The following TBCK variants were observed in gnomAD, a reference collection of about 807,000 sequenced individuals.
TBCK encodes TBC domain-containing protein kinase-like protein.
In TBCK, 99 loss-of-function variants were observed where a neutral mutation model predicts 113.4. The observed-to-expected ratio is 0.87, with a 90% CI of 0.74 to 1.03. The LOEUF is 1.03. Ranked by LOEUF, TBCK falls within the 50% of genes least tolerant of loss-of-function variation. TBCK has a pLI of 0.00. For missense variants in TBCK, 1,045 were observed against 1,061.3 expected, an observed-to-expected ratio of 0.98 and a Z score of 0.21; for synonymous variants, 369 against 370.8, an observed-to-expected ratio of 1.00 and a Z score of 0.05.
intron 3 of TBCK, among the ~76,000 whole-genome samples, chr4:106,270,635 TTTTGA>T (rs1416988081): frequency 6.6e-6 from 1 of 152,180 alleles, no homozygotes; most frequent in Non-Finnish European, 1.5e-5. Context: ...CTGTTCAGAA[TTTTGA>T]TTTGAGACCA....
intron 2 of TBCK, among the ~76,000 whole-genome samples, chr4:106,302,856 C>T (rs3113247): frequency 0.78 from 118,310 of 152,174 alleles, 46,859 homozygotes; most frequent in African/African-American, 0.95. Context: ...AAATGATCCC[C>T]GTAATTTTTC....
chr4:106,073,826 C>G (rs1311913716), intron 25 of TBCK, among the ~76,000 whole-genome samples: 1 of 152,216 alleles, frequency 6.6e-6, no homozygotes, highest in African/African-American at 2.4e-5. Flanking sequence ...CAATGGTGGA[C>G]ACTCTTCCCC....
chr4:106,180,275 GTTATT>G (rs1283412201), intron 22 of TBCK, among the ~76,000 whole-genome samples: 1 of 151,766 alleles, frequency 6.6e-6, no homozygotes, highest in African/African-American at 2.4e-5. Context: ...ATTTGCTACT[GTTATT>G]TTATTACTTG....
In TBCK at chr4:106,044,316, A is replaced by T. The variant is rs903539917; in HGVS notation, c.*2254T>A. 3 of 152,212 alleles carry T rather than the reference A, an allele frequency of 2.0e-5. No individual in the cohort carries two copies. Among genetic ancestry groups the T allele is most frequent in the African/African-American group, 7.2e-5 (3 of 41,456 alleles). 9.4% of individuals were successfully genotyped at this position (152,212 alleles called of 1,614,324 possible). Reference sequence around the variant, plus strand: ...CAAAGACTGAAGGAAGAAAATAGTAATTGCCAGGACAGGAGGATTTAATAT... The same window carrying T: ...CAAAGACTGAAGGAAGAAAATAGTATTTGCCAGGACAGGAGGATTTAATAT... On this transcript the variant is annotated 3_prime_UTR_variant, in exon 26 of 26. Coordinates refer to ENST00000394708, the MANE Select transcript of TBCK (RefSeq NM_001163435.3).
chr4:106,232,763 T>C (rs1369156481), intron 17 of TBCK, among the ~76,000 whole-genome samples, 175 bp downstream of exon 17: 2 of 152,022 alleles, frequency 1.3e-5, no homozygotes, highest in Non-Finnish European at 2.9e-5. Context: ...TCTACTAGGA[T>C]TTAGACAAAG....
intron 23 of TBCK, among the ~76,000 whole-genome samples, chr4:106,117,942 G>A (rs1215640552): frequency 6.6e-6 from 1 of 151,308 alleles, no homozygotes; most frequent in South Asian, 2.1e-4. Flanking sequence ...CCGGGAGGCG[G>A]AGCTTGCAGT....
At chr4:106,076,977 A>G (rs1018499514) in intron 25 of TBCK, among the ~76,000 whole-genome samples, 1 of 152,038 alleles carries the variant, frequency 6.6e-6, no homozygotes, top group Admixed American at 6.6e-5. Flanking sequence ...GGTGACATGC[A>G]CCTGTAGTCC....
At chr4:106,136,050 G>T (rs948402989) in intron 23 of TBCK, among the ~76,000 whole-genome samples, 2 of 141,592 alleles carry the variant, frequency 1.4e-5, no homozygotes, top group Admixed American at 1.4e-4. Context: ...AAGGGAGAAA[G>T]ACTTGCTAGA....
chr4:106,264,819 TCATA>T (rs1268281045), intron 3 of TBCK, among the ~76,000 whole-genome samples: 8 of 152,104 alleles, frequency 5.3e-5, no homozygotes, highest in Non-Finnish European at 1.2e-4. Flanking sequence ...AGAAATTGTT[TCATA>T]CAGAGAGCAT....
At chr4:106,194,830 C>T in intron 20 of TBCK, 76 bp from the exon 21 acceptor site, 2 of 1,228,252 alleles carry the variant, frequency 1.6e-6, no homozygotes, top group South Asian at 2.8e-5. Context: ...TACCAATAAA[C>T]TAAATGGTAA....
chr4:106,162,958 C>T (rs1308484525), intron 23 of TBCK, among the ~76,000 whole-genome samples: 2 of 152,074 alleles, frequency 1.3e-5, no homozygotes, highest in Non-Finnish European at 2.9e-5. Flanking sequence ...TGAATTTCTC[C>T]CCAGGAAATG....
chr4:106,306,473 T>C (rs1485601772), intron 2 of TBCK, among the ~76,000 whole-genome samples: 3 of 152,092 alleles, frequency 2.0e-5, no homozygotes, highest in African/African-American at 7.2e-5. Context: ...TTATAACAAC[T>C]ATTACTGTAT....
At position 106,315,275 on chromosome 4, in the gene TBCK, T is replaced by A. The variant is rs541682521; in HGVS notation, c.-30+656A>T. On this transcript the variant is annotated intron_variant, in intron 1 of 25. Coordinates refer to ENST00000394708, the MANE Select transcript of TBCK (RefSeq NM_001163435.3). Reference sequence around the variant, plus strand: ...GTTTTTCCAGCTGGTGGGCAAAGGATAATGAACAAGTCAGACTCTGTGCCC... The same window carrying A: ...GTTTTTCCAGCTGGTGGGCAAAGGAAAATGAACAAGTCAGACTCTGTGCCC... Among the ~76,000 whole-genome samples the A allele has an allele frequency of 3.3e-5, 5 of 152,118 alleles. No homozygotes were observed. In the East Asian group the frequency reaches 9.7e-4, roughly 30 times the overall value.
At chr4:106,280,544 G>A (rs1352900017) in intron 3 of TBCK, among the ~76,000 whole-genome samples, 1 of 152,032 alleles carries the variant, frequency 6.6e-6, no homozygotes. Context: ...ATGTCTCCTT[G>A]TAGTAGTTTC....
At chr4:106,253,958 A>T (rs1022192444) in intron 5 of TBCK, among the ~76,000 whole-genome samples, 1 of 152,214 alleles carries the variant, frequency 6.6e-6, no homozygotes, top group African/African-American at 2.4e-5. Flanking sequence ...ACCTATATAC[A>T]GGCTTCCTTA....
At chr4:106,108,732 C>T (rs1036606033) in intron 24 of TBCK, among the ~76,000 whole-genome samples, 20 of 152,144 alleles carry the variant, frequency 1.3e-4, no homozygotes, top group African/African-American at 4.6e-4. Flanking sequence ...CACTTCTATG[C>T]AACATACTAT....
chr4:106,076,044 C>CAAAT (rs1738156598), intron 25 of TBCK, among the ~76,000 whole-genome samples: 1 of 152,194 alleles, frequency 6.6e-6, no homozygotes, highest in South Asian at 2.1e-4. Context: ...CTGACACAGG[C>CAAAT]AAATGAGATT....
At chr4:106,213,105 C>T (rs1168822011) in intron 19 of TBCK, among the ~76,000 whole-genome samples, 1 of 152,050 alleles carries the variant, frequency 6.6e-6, no homozygotes, top group East Asian at 1.9e-4. Context: ...TAATGTTTTC[C>T]TGTTAAACTC....
intron 10 of TBCK, 133 bp downstream of exon 10, chr4:106,247,006 T>G: frequency 2.1e-6 from 2 of 932,970 alleles, no homozygotes; most frequent in Non-Finnish European, 3.1e-6. Flanking sequence ...TTTTAATCAC[T>G]TCCAGAATTG....
Sources: allele counts gnomAD v4.1 joint callset (sites outside exome capture counted in the v4.1 genomes callset), GRCh38; gene constraint gnomAD v4.1.1; transcripts MANE v1.5; gene names NCBI Gene and HGNC (gene_info 2026-07-23, HGNC 2026-07-21).